CDV3: variants seen among roughly 807,000 people sequenced by gnomAD.
The protein encoded by CDV3 is CDV3 homolog.
A neutral mutation model predicts 24.5 loss-of-function variants in CDV3; 14 were observed. The observed-to-expected ratio is 0.57, with a 90% confidence interval of 0.38 to 0.89. The LOEUF (loss-of-function observed/expected upper bound fraction) is 0.89. Among genes scored for constraint, CDV3 ranks in the 40% least tolerant of loss-of-function variants. The pLI is 0.00. For missense variants in CDV3, 304 were observed against 310.2 expected, an observed-to-expected ratio of 0.98 and a Z score of 0.15; for synonymous variants, 114 against 114.1, an observed-to-expected ratio of 1.00 and a Z score of 0.00.
rs951459698 is a variant in CDV3 at position 133,589,805 on chromosome 3, A to G, written c.*1759A>G. 10 of 152,334 alleles carry G rather than the reference A, an allele frequency of 6.6e-5. No individual in the cohort carries two copies. The highest frequency in any genetic ancestry group is 2.2e-4 in the African/African-American group (9 of 41,462). The allele number at this position is 152,334 out of a possible 1,614,324, so 9.4% of individuals were successfully genotyped here. A position where few individuals can be genotyped will look rare whatever the true frequency, so the allele number is the denominator to read the frequency against. On this transcript the variant is annotated 3_prime_UTR_variant, in exon 5 of 5. Transcript: ENST00000264993. ...GTGGCAGGCAGGATGCCTGCCTTCT[A>G]ATATATTTGGGTGAGTAACTGAGCC...
intron 2 of CDV3, among the ~76,000 whole-genome samples, chr3:133,577,981 C>G (rs1176949239): frequency 1.3e-5 from 2 of 151,912 alleles, no homozygotes; most frequent in African/African-American, 4.8e-5. Flanking sequence ...CCCTGTAGGC[C>G]TCTTTCATCT....
intron 2 of CDV3, among the ~76,000 whole-genome samples, chr3:133,579,022 A>G (rs1345841561): frequency 1.3e-5 from 2 of 152,222 alleles, no homozygotes; most frequent in Non-Finnish European, 1.5e-5. Context: ...AGGTAATGTG[A>G]AATAATAGAG....
intron 2 of CDV3, 94 bp downstream of exon 2, chr3:133,575,209 A>G (rs1576632586): frequency 1.4e-6 from 1 of 709,844 alleles, no homozygotes; most frequent in African/African-American, 1.8e-5. Context: ...GCATCATAGT[A>G]GCCTTGTGCT....
chr3:133,575,468 C>T (rs973426932), intron 2 of CDV3, among the ~76,000 whole-genome samples: 1 of 152,230 alleles, frequency 6.6e-6, no homozygotes, highest in Admixed American at 6.5e-5. Context: ...ATGTTTTTCA[C>T]ATCCTCTCCA....
chr3:133,587,704 A>C, intron 4 of CDV3, 192 bp from the exon 5 acceptor site: 4 of 1,367,992 alleles, frequency 2.9e-6, no homozygotes, highest in Non-Finnish European at 3.8e-6. Context: ...CTAGAGCTTC[A>C]ATACAGCGTT....
chr3:133,584,251 G>A, intron 3 of CDV3, 101 bp downstream of exon 3: 4 of 818,592 alleles, frequency 4.9e-6, no homozygotes, highest in Non-Finnish European at 7.7e-6. Flanking sequence ...GGGTGAGGAG[G>A]AGAGGCTCCT....
At chr3:133,586,499 A>G (rs1434445327) in intron 3 of CDV3, 64 bp from the exon 4 acceptor site, 6 of 838,814 alleles carry the variant, frequency 7.2e-6, no homozygotes, top group Non-Finnish European at 9.8e-6. Context: ...TGGGAATGCA[A>G]GAATAGCTTA....
intron 2 of CDV3, among the ~76,000 whole-genome samples, chr3:133,579,041 A>G (rs146898543): frequency 6.6e-6 from 1 of 152,354 alleles, no homozygotes; most frequent in East Asian, 1.9e-4. Flanking sequence ...AGCCTCTAGA[A>G]TCCCACACTA....
At position 133,589,541 on chromosome 3, in the gene CDV3, A is replaced by G. The variant is rs536791498; in HGVS notation, c.*1495A>G. 7 of 152,812 alleles carry G rather than the reference A, an allele frequency of 4.6e-5. No individual in the cohort carries two copies. In the East Asian group the frequency reaches 1.3e-3, roughly 29 times the overall value. The allele number at this position is 152,812 out of a possible 1,614,324, so 9.5% of individuals were successfully genotyped here. On this transcript the variant is annotated 3_prime_UTR_variant, in exon 5 of 5. Coordinates refer to ENST00000264993, the MANE Select transcript of CDV3 (RefSeq NM_017548.5). Reference sequence around the variant, plus strand: ...AATATGTGAAAGTGGTAATGTCATCATTTGATGCAGAGTCCGGGTTTCTCT... The same window carrying G: ...AATATGTGAAAGTGGTAATGTCATCGTTTGATGCAGAGTCCGGGTTTCTCT...
intron 2 of CDV3, among the ~76,000 whole-genome samples, chr3:133,583,423 A>G (rs1933263557): frequency 6.6e-6 from 1 of 152,154 alleles, no homozygotes; most frequent in African/African-American, 2.4e-5. Flanking sequence ...TTAATCCTTC[A>G]GCTCACCTTC....
Position 133,573,889 on chromosome 3 carries a change from G to T in CDV3, c.-156G>T. 1 of 416,684 alleles carries T rather than the reference G, an allele frequency of 2.4e-6. No individual in the cohort carries two copies. Among genetic ancestry groups the T allele is most frequent in the Non-Finnish European group, 3.2e-6 (1 of 310,594 alleles). 25.8% of individuals were successfully genotyped at this position (416,684 alleles called of 1,614,324 possible). ...CGCTCGCCAGCACGCAGGGGGAGCC[G>T]CCCGTCTCGCCGCGCACGCCTCGGC... On this transcript the variant is annotated 5_prime_UTR_variant, in exon 1 of 5. Coordinates refer to ENST00000264993, the MANE Select transcript of CDV3 (RefSeq NM_017548.5).
At position 133,588,539 on chromosome 3, in the gene CDV3, T is replaced by C; in HGVS notation, c.*493T>C. 1.5e-6 allele frequency: 1 copy of C among 660,168 alleles called. No homozygotes were observed. The highest frequency in any genetic ancestry group is 2.7e-5 in the East Asian group (1 of 36,810). The allele number at this position is 660,168 out of a possible 1,614,324, so 40.9% of individuals were successfully genotyped here. A position where few individuals can be genotyped will look rare whatever the true frequency, so the allele number is the denominator to read the frequency against. On this transcript the variant is annotated 3_prime_UTR_variant, in exon 5 of 5. Transcript: ENST00000264993. The stretch of plus-strand genomic sequence containing the variant: ...GTCAGCCATCTGGGTTCTGATCTGC[T>C]GTAAAAGATGAAGATTTAAGTGACC...
intron 2 of CDV3, among the ~76,000 whole-genome samples, chr3:133,583,634 C>T (rs894000048): frequency 7.9e-5 from 12 of 152,202 alleles, no homozygotes; most frequent in African/African-American, 2.9e-4. Context: ...ACGATCTCAG[C>T]TCACTGCAGC....
intron 2 of CDV3, among the ~76,000 whole-genome samples, chr3:133,576,879 C>T (rs1241766051): frequency 1.8e-5 from 1 of 55,396 alleles, no homozygotes. Flanking sequence ...CGAAGTTTCC[C>T]TCTTGTTGCC....
chr3:133,581,565 C>G (rs1034048227), intron 2 of CDV3, among the ~76,000 whole-genome samples: 1 of 152,046 alleles, frequency 6.6e-6, no homozygotes, highest in African/African-American at 2.4e-5. Flanking sequence ...GGGTTGTCAC[C>G]TCCATTTTAC....
chr3:133,585,421 T>C (rs1933491124), intron 3 of CDV3, among the ~76,000 whole-genome samples: 1 of 152,210 alleles, frequency 6.6e-6, no homozygotes, highest in South Asian at 2.1e-4. Flanking sequence ...CTTCAAGTGA[T>C]CTGCCCGCCT....
At chr3:133,587,770 T>G in intron 4 of CDV3, 126 bp from the exon 5 acceptor site, 1 of 1,449,594 alleles carries the variant, frequency 6.9e-7, no homozygotes, top group Non-Finnish European at 9.1e-7. Context: ...ATTTTCTATA[T>G]GCCTCCACTC....
chr3:133,587,345 C>T (rs972059781), intron 4 of CDV3: 7 of 1,246,124 alleles, frequency 5.6e-6, no homozygotes, highest in Non-Finnish European at 7.1e-6. Context: ...TTTGAGAGCA[C>T]AGCTGGCTTG....
chr3:133,575,070 AAG>A lies in CDV3; in HGVS notation c.275_276del (p.Glu92GlyfsTer2). The A allele has an allele frequency of 1.2e-6, 2 of 1,607,082 alleles. No individual in the cohort carries two copies. The highest frequency in any genetic ancestry group is 8.5e-7 in the Non-Finnish European group (1 of 1,173,626). ...GATGAATGGAAAGAATTGGAGCAAA[AAG>A]AGGTTGATTACAGCGGCCTCAGGGT... On this transcript the variant is annotated frameshift_variant, in exon 2 of 5. Coordinates refer to ENST00000264993, the MANE Select transcript of CDV3 (RefSeq NM_017548.5). LOFTEE classifies it high-confidence loss of function.
Sources: gnomAD v4.1 joint callset for allele counts (sites outside exome capture counted in the v4.1 genomes callset) on GRCh38, gnomAD v4.1.1 for gene constraint, MANE v1.5 for transcripts, NCBI Gene and HGNC (gene_info 2026-07-23, HGNC 2026-07-21) for gene names.